LINGO1: variants seen among roughly 807,000 people sequenced by gnomAD.
LINGO1 encodes leucine-rich repeat and immunoglobulin-like domain-containing nogo receptor-interacting protein 1.
In LINGO1, 11 loss-of-function variants were observed where a neutral mutation model predicts 37.3. That is an observed-to-expected ratio of 0.29 (90% CI 0.19 to 0.49). The LOEUF is 0.49. Among genes scored for constraint, LINGO1 ranks in the 20% least tolerant of loss-of-function variants. The pLI, the probability that LINGO1 is intolerant of heterozygous loss-of-function variation, is 0.99. For synonymous variants in LINGO1, 387 were observed against 403.0 expected, an observed-to-expected ratio of 0.96 and a Z score of 0.48; for missense variants, 585 against 878.2, an observed-to-expected ratio of 0.67 and a Z score of 4.22.
At chr15:77,630,622 C>A (rs975582552) in intron 1 of LINGO1, among the ~76,000 whole-genome samples, 10 of 152,186 alleles carry the variant, frequency 6.6e-5, no homozygotes, top group South Asian at 2.1e-4. Flanking sequence ...TGAGCACATG[C>A]CCATCCCCCT....
rs146139867 is a variant in LINGO1 at position 77,670,956 on chromosome 15, T to C, written c.-13+6133A>G. ...CAGCCCAGGCCCTGTCTATCATCCC[T>C]TTGCTCACACAGCCTTTGCTCACAT... On this transcript the variant is annotated intron_variant, in intron 3 of 3. Coordinates refer to the LINGO1 transcript ENST00000559893. Among the ~76,000 whole-genome samples, 512 of 152,306 alleles carry C rather than the reference T, an allele frequency of 3.4e-3. 3 individuals are homozygous for C. The highest frequency in any genetic ancestry group is 0.027 in the Middle Eastern group (8 of 294).
chr15:77,746,621 C>T (rs1278457843), intron 1 of LINGO1, among the ~76,000 whole-genome samples: 1 of 151,870 alleles, frequency 6.6e-6, no homozygotes, highest in Non-Finnish European at 1.5e-5. Flanking sequence ...GGGCTGGGGG[C>T]GAGGAGCCCT....
chr15:77,776,541 G>GGAGA (rs2076654781), intron 1 of LINGO1, among the ~76,000 whole-genome samples: 2 of 146,902 alleles, frequency 1.4e-5, no homozygotes, highest in African/African-American at 5.1e-5. Context: ...AGGGAGGGAG[G>GGAGA]GAGGGAGGGA....
At chr15:77,715,334 C>A (rs138839638) in intron 2 of LINGO1, among the ~76,000 whole-genome samples, 2 of 152,300 alleles carry the variant, frequency 1.3e-5, no homozygotes, top group African/African-American at 4.8e-5. Flanking sequence ...TCAGTTGTGA[C>A]AAACAGATTT....
chr15:77,650,618 A>C (rs2074739431), intron 3 of LINGO1, among the ~76,000 whole-genome samples: 1 of 152,160 alleles, frequency 6.6e-6, no homozygotes, highest in Non-Finnish European at 1.5e-5. Flanking sequence ...TGCAAGCCAC[A>C]CCTGCAATGG....
chr15:77,660,610 T>C (rs1290663014), intron 3 of LINGO1, among the ~76,000 whole-genome samples: 1 of 152,218 alleles, frequency 6.6e-6, no homozygotes, highest in Admixed American at 6.5e-5. Flanking sequence ...CAGTTTCCCT[T>C]TGTCAACATT....
At position 77,614,036 on chromosome 15, in the gene LINGO1, C is replaced by T. The variant is rs764858500; in HGVS notation, c.*8G>A. 1.1e-5 allele frequency: 17 copies of T among 1,560,158 alleles called. No homozygotes were observed. Among genetic ancestry groups the T allele is most frequent in the Middle Eastern group, 1.7e-4 (1 of 5,830 alleles). ...GCCGCCCGGGGGTCCCTGCCCCCCG[C>T]CCCGGCCTCATATCATCTTCATGTT... On this transcript the variant is annotated 3_prime_UTR_variant, in exon 2 of 2. Coordinates refer to ENST00000355300, the MANE Select transcript of LINGO1 (RefSeq NM_032808.7).
chr15:77,756,212 C>T (rs1391343097), intron 1 of LINGO1, among the ~76,000 whole-genome samples: 1 of 152,194 alleles, frequency 6.6e-6, no homozygotes, highest in African/African-American at 2.4e-5. Flanking sequence ...CTCTGCATCC[C>T]TCCTCCTGTG....
intron 1 of LINGO1, among the ~76,000 whole-genome samples, chr15:77,743,903 ACCAGGTAACCCTCCCTGC>A (rs1391513128): frequency 6.6e-6 from 1 of 152,178 alleles, no homozygotes; most frequent in East Asian, 1.9e-4. Flanking sequence ...CCTAGGAGCA[ACCAGGTAACCCTCCCTGC>A]CTTCATTTAT....
intron 3 of LINGO1, among the ~76,000 whole-genome samples, chr15:77,649,629 G>C (rs2074713968): frequency 6.6e-6 from 1 of 152,210 alleles, no homozygotes; most frequent in African/African-American, 2.4e-5. Context: ...TCAGGGTGGA[G>C]AGCTGGGTCA....
chr15:77,782,195 T>C (rs1247603401), intron 1 of LINGO1, among the ~76,000 whole-genome samples: 4 of 144,254 alleles, frequency 2.8e-5, no homozygotes, highest in African/African-American at 5.2e-5. Flanking sequence ...CACACGATGC[T>C]CAAGTGTGCG....
chr15:77,636,859 G>A (rs1477306592), upstream of LINGO1, among the ~76,000 whole-genome samples: 3 of 152,138 alleles, frequency 2.0e-5, no homozygotes, highest in Non-Finnish European at 4.4e-5. Flanking sequence ...AGAGTGAAGT[G>A]GATTGAGAAG....
chr15:77,622,578 C>T (rs908122569), intron 1 of LINGO1, among the ~76,000 whole-genome samples: 3 of 152,240 alleles, frequency 2.0e-5, no homozygotes, highest in African/African-American at 7.2e-5. Flanking sequence ...TTGTCCTCTC[C>T]CCAAGTCCCT....
At chr15:77,713,035 T>TTTG (rs2075938181) in intron 2 of LINGO1, among the ~76,000 whole-genome samples, 1 of 152,174 alleles carries the variant, frequency 6.6e-6, no homozygotes, top group East Asian at 1.9e-4. Context: ...GTTTTGGTTT[T>TTTG]TTGTTTGTTT....
rs138115995 is a variant in LINGO1, at chr15:77,686,285, G to A, written c.-99+4435C>T. ...GCCCTGCACCAGCCCTGGATGCCAGGCTGACTGGCCCAGACTCCCCTGACT... is the reference window on the plus strand; with the variant it reads ...GCCCTGCACCAGCCCTGGATGCCAGACTGACTGGCCCAGACTCCCCTGACT... On this transcript the variant is annotated intron_variant, in intron 2 of 3. Coordinates refer to the LINGO1 transcript ENST00000559893. Among the ~76,000 whole-genome samples the A allele has an allele frequency of 2.6e-5, 4 of 152,204 alleles. No individual in the cohort carries two copies. In the East Asian group the frequency reaches 7.7e-4, roughly 29 times the overall value.
chr15:77,792,026 G>A (rs1457591231), intron 2 of LINGO1, among the ~76,000 whole-genome samples: 2 of 152,050 alleles, frequency 1.3e-5, no homozygotes, highest in African/African-American at 4.8e-5. Context: ...ATACCACCCA[G>A]ATGCTGACTC....
chr15:77,775,902 C>T (rs1371387840), intron 1 of LINGO1, among the ~76,000 whole-genome samples: 1 of 152,158 alleles, frequency 6.6e-6, no homozygotes. Context: ...TCCAGGCCTT[C>T]GTTCCTCCGT....
chr15:77,670,582 T>G (rs930466316), intron 3 of LINGO1, among the ~76,000 whole-genome samples: 4 of 152,210 alleles, frequency 2.6e-5, no homozygotes, highest in Non-Finnish European at 5.9e-5. Context: ...AGCACCATGT[T>G]AACACAGGGC....
At chr15:77,751,261 A>G (rs1489812877) in intron 1 of LINGO1, among the ~76,000 whole-genome samples, 2 of 152,206 alleles carry the variant, frequency 1.3e-5, no homozygotes, top group Non-Finnish European at 2.9e-5. Context: ...CCTGTCTACC[A>G]AAAGTAAGGG....
Sources: gnomAD v4.1 joint callset for allele counts (sites outside exome capture counted in the v4.1 genomes callset) on GRCh38, gnomAD v4.1.1 for gene constraint, MANE v1.5 for transcripts, NCBI Gene and HGNC (gene_info 2026-07-23, HGNC 2026-07-21) for gene names.